Variants in NBAS observed in about 807,000 individuals in gnomAD.
The protein encoded by NBAS is NAG/BC035112 fusion.
Under a neutral mutation model 302.5 loss-of-function variants are expected in NBAS, and 219 were observed. That is an observed-to-expected ratio of 0.72 (90% CI 0.65 to 0.81). The LOEUF (loss-of-function observed/expected upper bound fraction) is 0.81, where lower values mean the gene tolerates loss of function less well. Ranked by LOEUF, NBAS falls within the 30% of genes least tolerant of loss-of-function variation. The pLI, the probability that NBAS is intolerant of heterozygous loss-of-function variation, is 0.00. For synonymous variants in NBAS, 1,118 were observed against 1,021.6 expected, an observed-to-expected ratio of 1.09 and a Z score of -1.80; for missense variants, 2,932 against 2,841.6, an observed-to-expected ratio of 1.03 and a Z score of -0.72.
chr2:15,510,143 C>T (rs989252718), intron 10 of NBAS, among the ~76,000 whole-genome samples: 1 of 152,126 alleles, frequency 6.6e-6, no homozygotes, highest in African/African-American at 2.4e-5. Flanking sequence ...CCACCACGCC[C>T]GGCCCAAGTG....
At chr2:15,457,445 G>C (rs1177440444) in intron 21 of NBAS, among the ~76,000 whole-genome samples, 1 of 152,194 alleles carries the variant, frequency 6.6e-6, no homozygotes, top group Non-Finnish European at 1.5e-5. Flanking sequence ...AGGTCATTTT[G>C]TTAGTTTTCA....
chr2:14,849,751 C>G, the NBAS span, among the ~76,000 whole-genome samples: 1 of 143,220 alleles, frequency 7.0e-6, no homozygotes, highest in African/African-American at 2.9e-5. Flanking sequence ...ACCCTACAAG[C>G]CAGAAGAGAG....
intron 7 of NBAS, 121 bp downstream of exon 7, chr2:15,539,102 T>C (rs570193256): frequency 7.3e-7 from 1 of 1,360,990 alleles, no homozygotes; most frequent in African/African-American, 1.4e-5. Context: ...GCGTCTTAAG[T>C]CCACAGCTTA....
At chr2:15,156,606 C>A in the NBAS span, among the ~76,000 whole-genome samples, 3 of 152,100 alleles carry the variant, frequency 2.0e-5, no homozygotes, top group South Asian at 6.2e-4. Context: ...GGCATGAATC[C>A]CATTCGTGAC....
chr2:15,100,300 C>A, the NBAS span, among the ~76,000 whole-genome samples: 1 of 152,072 alleles, frequency 6.6e-6, no homozygotes, highest in Non-Finnish European at 1.5e-5. Context: ...CACTGTAGAA[C>A]CACAACCACT....
chr2:15,441,671 G>A (rs1371596558), intron 21 of NBAS, among the ~76,000 whole-genome samples: 1 of 150,368 alleles, frequency 6.7e-6, no homozygotes, highest in Non-Finnish European at 1.5e-5. Flanking sequence ...AACTTTAAAT[G>A]TAAATGGACT....
intron 21 of NBAS, among the ~76,000 whole-genome samples, chr2:15,442,470 A>T (rs1355532730): frequency 6.6e-6 from 1 of 152,028 alleles, no homozygotes; most frequent in Non-Finnish European, 1.5e-5. Context: ...CAAAGACACA[A>T]CATACCAGAA....
At chr2:15,220,132 G>GAC (rs1666880237) in intron 47 of NBAS, among the ~76,000 whole-genome samples, 1 of 145,294 alleles carries the variant, frequency 6.9e-6, no homozygotes, top group South Asian at 2.2e-4. Flanking sequence ...GCGGGGGGCT[G>GAC]ACCCCCCCAC....
At chr2:15,147,611 A>G in the NBAS span, among the ~76,000 whole-genome samples, 1 of 152,074 alleles carries the variant, frequency 6.6e-6, no homozygotes, top group African/African-American at 2.4e-5. Context: ...AATAATAAAA[A>G]AAATTAAAAA....
downstream of NBAS, among the ~76,000 whole-genome samples, chr2:15,163,209 C>T (rs544919534): frequency 4.7e-4 from 71 of 152,288 alleles, no homozygotes; most frequent in Non-Finnish European, 8.1e-4. Flanking sequence ...GAGAATAGGG[C>T]GAAGAGAAGT....
chr2:15,003,997 A>G, the NBAS span, among the ~76,000 whole-genome samples: 1 of 152,316 alleles, frequency 6.6e-6, no homozygotes, highest in East Asian at 1.9e-4. Flanking sequence ...TCTATTTTTT[A>G]AATGCCGTAA....
chr2:15,324,950 A>C (rs531378923), intron 38 of NBAS, among the ~76,000 whole-genome samples: 2 of 152,320 alleles, frequency 1.3e-5, no homozygotes, highest in Admixed American at 6.5e-5. Context: ...GAGGCCGACT[A>C]ACCCAGAAAT....
intron 6 of NBAS, among the ~76,000 whole-genome samples, chr2:15,541,340 A>AAG (rs1213897322): frequency 1.3e-5 from 2 of 152,164 alleles, no homozygotes; most frequent in African/African-American, 4.8e-5. Context: ...TCTCAGAAAA[A>AAG]AAAATCTCTA....
intron 41 of NBAS, among the ~76,000 whole-genome samples, chr2:15,289,297 T>A (rs953161101): frequency 2.2e-4 from 34 of 152,196 alleles, no homozygotes; most frequent in African/African-American, 8.0e-4. Context: ...AGACAAGGTC[T>A]TGCTATGTTG....
chr2:15,239,820 G>A (rs1667782389), intron 44 of NBAS, among the ~76,000 whole-genome samples: 1 of 151,802 alleles, frequency 6.6e-6, no homozygotes, highest in African/African-American at 2.4e-5. Context: ...TCAGATTCCT[G>A]TATACTGTGT....
intron 48 of NBAS, among the ~76,000 whole-genome samples, chr2:15,197,694 C>G (rs1373859695): frequency 6.6e-6 from 1 of 152,198 alleles, no homozygotes; most frequent in Admixed American, 6.5e-5. Flanking sequence ...CATCTTGCCC[C>G]AATCTACTCC....
intron 47 of NBAS, among the ~76,000 whole-genome samples, chr2:15,220,860 T>G (rs1360883287): frequency 6.6e-6 from 1 of 152,184 alleles, no homozygotes; most frequent in Non-Finnish European, 1.5e-5. Flanking sequence ...TACAAGTCTT[T>G]TTTTTTTAAC....
chr2:15,180,542 C>T (rs376893152), intron 50 of NBAS, among the ~76,000 whole-genome samples: 9 of 152,334 alleles, frequency 5.9e-5, no homozygotes, highest in African/African-American at 1.7e-4. Flanking sequence ...GAGCATGGCA[C>T]TCTGGCCTGG....
At chr2:15,169,459 C>T (rs1664192298) in intron 51 of NBAS, among the ~76,000 whole-genome samples, 1 of 152,120 alleles carries the variant, frequency 6.6e-6, no homozygotes, top group Non-Finnish European at 1.5e-5. Flanking sequence ...AGAGTCTCAA[C>T]CCCACAGAGC....
Sources: gnomAD v4.1 joint callset for allele counts (sites outside exome capture counted in the v4.1 genomes callset) on GRCh38, gnomAD v4.1.1 for gene constraint, MANE v1.5 for transcripts, NCBI Gene and HGNC (gene_info 2026-07-23, HGNC 2026-07-21) for gene names.